The following OTUD7B variants were observed in gnomAD, a reference collection of about 807,000 sequenced individuals.
The protein encoded by OTUD7B is OTU deubiquitinase 7B.
OTUD7B carries 34 observed loss-of-function variants against 82.2 expected under a neutral mutation model. The ratio of observed to expected loss-of-function variants is 0.41; its 90% confidence interval spans 0.31 to 0.55. The LOEUF is 0.55. Among genes scored for constraint, OTUD7B ranks in the 20% least tolerant of loss-of-function variants. The pLI, the probability that OTUD7B is intolerant of heterozygous loss-of-function variation, is 0.20. For missense variants in OTUD7B, 944 were observed against 1,062.1 expected, an observed-to-expected ratio of 0.89 and a Z score of 1.55; for synonymous variants, 398 against 402.7, an observed-to-expected ratio of 0.99 and a Z score of 0.14.
At chr1:150,034,008 C>A in the OTUD7B span, among the ~76,000 whole-genome samples, 1 of 152,156 alleles carries the variant, frequency 6.6e-6, no homozygotes, top group African/African-American at 2.4e-5. Flanking sequence ...GCGTGAGCCA[C>A]CGCACCCAGC....
chr1:150,051,191 T>G, the OTUD7B span, among the ~76,000 whole-genome samples: 4 of 130,492 alleles, frequency 3.1e-5, no homozygotes. Flanking sequence ...ATTGCGCCAT[T>G]GCACTCCAAC....
At chr1:150,066,421 G>A in the OTUD7B span, among the ~76,000 whole-genome samples, 1,157 of 36,550 alleles carry the variant, frequency 0.032, 11 homozygotes, top group Non-Finnish European at 0.042. This position sits in a 1 kb window ranked among gnomAD's most constrained non-coding sequence, Gnocchi z 4.6. Flanking sequence ...TTACTTGGTA[G>A]AAAAGCTGAA....
In OTUD7B at chr1:149,944,081, G is replaced by A. The variant is rs587752377; in HGVS notation, c.2308C>T (p.Arg770Ter). The change falls in exon 12 of 12, where the codon CGA (arginine) becomes TGA (stop). Residue 770 changes from arginine (R) to a stop codon, truncating the protein, a stop_gained. Transcript: ENST00000581312. LOFTEE classifies it high-confidence loss of function. ...HRGALLPPPY[R>*]VADSYSNGYR... ...CCATTGCTATAGGAATCAGCCACTC[G>A]GTAGGGGGGTGGTAACAAGGCACCC... 20 of 1,614,084 alleles carry A rather than the reference G, an allele frequency of 1.2e-5. No homozygotes were observed. The highest frequency in any genetic ancestry group is 6.6e-5 in the South Asian group (6 of 91,080).
At chr1:150,042,318 G>A in the OTUD7B span, among the ~76,000 whole-genome samples, 5 of 151,184 alleles carry the variant, frequency 3.3e-5, no homozygotes, top group South Asian at 1.1e-3. Flanking sequence ...GATTACAGGC[G>A]CCCACCACCA....
chr1:149,963,340 G>A (rs1294549182), intron 6 of OTUD7B: 1 of 152,114 alleles, frequency 6.6e-6, no homozygotes, highest in Non-Finnish European at 1.5e-5. Context: ...AGGAAATAGG[G>A]AGCCTCATTA....
chr1:150,003,445 C>T (rs782358419), intron 1 of OTUD7B, among the ~76,000 whole-genome samples: 1 of 151,992 alleles, frequency 6.6e-6, no homozygotes, highest in Non-Finnish European at 1.5e-5. Context: ...TAGAGTATAT[C>T]CTTAATTCAT....
the OTUD7B span, among the ~76,000 whole-genome samples, chr1:150,035,564 G>A: frequency 1.3e-5 from 2 of 152,158 alleles, no homozygotes; most frequent in African/African-American, 4.8e-5. Flanking sequence ...CCTAATGCAA[G>A]GGTTACCATA....
At position 149,949,059 on chromosome 1, in the gene OTUD7B, T is replaced by G; in HGVS notation, c.1148A>C (p.Glu383Ala). 1.2e-6 allele frequency: 2 copies of G among 1,612,716 alleles called. No individual in the cohort carries two copies. The highest frequency in any genetic ancestry group is 1.7e-6 in the Non-Finnish European group (2 of 1,178,692). Residue 383 changes from glutamate (E) to alanine (A), a missense_variant, in exon 10 of 12, where the codon GAG becomes GCG. Glu to Ala is a moderately radical substitution (Grantham distance 107, BLOSUM62 -1). Around this residue, in one of 3 missense-constraint regions of OTUD7B, gnomAD observed 530 missense variants for 625.6 expected, o/e 0.85. Transcript: ENST00000581312. ...AAAGTGCAAGGGCAGCAGCTTATAC[T>G]CTGAATCTGTAAGTGGGATCACAGC... ...EQAVIPLTDS[E>A]YKLLPLHFAV...
At chr1:149,997,151 G>A (rs981947496) in intron 1 of OTUD7B, among the ~76,000 whole-genome samples, 2 of 152,120 alleles carry the variant, frequency 1.3e-5, no homozygotes, top group Non-Finnish European at 2.9e-5. Flanking sequence ...AGCTGATTCA[G>A]AAAATTGTAT....
At position 149,944,423 on chromosome 1, in the gene OTUD7B, C is replaced by T; in HGVS notation, c.1966G>A (p.Gly656Arg). 6.2e-7 allele frequency: 1 copy of T among 1,614,178 alleles called. No individual in the cohort carries two copies. Among genetic ancestry groups the T allele is most frequent in the East Asian group, 2.2e-5 (1 of 44,882 alleles). ...GCTGGAGGAGGGCCACCCCCTATTC[C>T]TCCATTCATGATCTTCCTCTCTGCC... Reference protein sequence around the residue: ...KEAERKIMNGGIGGGPPPAKK... With the variant: ...KEAERKIMNGRIGGGPPPAKK... The change falls in exon 12 of 12, where the codon GGA becomes AGA. Residue 656 changes from glycine (G) to arginine (R), a missense_variant. This residue lies in a region of OTUD7B where 412 missense variants were observed against 418.7 expected (regional missense o/e 0.98). Transcript: ENST00000581312.
At chr1:149,974,875 T>TA (rs2101850765) in intron 2 of OTUD7B, among the ~76,000 whole-genome samples, 1 of 150,602 alleles carries the variant, frequency 6.6e-6, no homozygotes, top group Non-Finnish European at 1.5e-5. Context: ...CTTTTTTTTT[T>TA]AAGAGATGAG....
chr1:150,002,778 G>A lies in OTUD7B; in HGVS notation c.-67+7670C>T, dbSNP rs117143812. Among the ~76,000 whole-genome samples the A allele has an allele frequency of 2.9e-3, 435 of 152,182 alleles. 24 individuals carry two copies. The East Asian group carries it at 0.08, about 28-fold the overall frequency. On this transcript the variant is annotated intron_variant, in intron 1 of 11. Transcript: ENST00000581312. Reference sequence around the variant, plus strand: ...AAAACTAAGAAAGCATCGCAGCCCCGCCAGTTGTCTGATTCCATGAATCTG... The same window carrying A: ...AAAACTAAGAAAGCATCGCAGCCCCACCAGTTGTCTGATTCCATGAATCTG...
chr1:149,948,635 G>A (rs1216464278), intron 10 of OTUD7B, among the ~76,000 whole-genome samples: 1 of 152,084 alleles, frequency 6.6e-6, no homozygotes, highest in Non-Finnish European at 1.5e-5. Flanking sequence ...CTCCCAAAGT[G>A]CTGGAATTAC....
upstream of OTUD7B, among the ~76,000 whole-genome samples, chr1:150,014,682 G>C (rs1287259284): frequency 6.6e-6 from 1 of 151,962 alleles, no homozygotes; most frequent in Non-Finnish European, 1.5e-5. Flanking sequence ...ATGAATCTTG[G>C]ACTCATTTGT....
At chr1:150,058,253 C>G in the OTUD7B span, among the ~76,000 whole-genome samples, 1 of 152,166 alleles carries the variant, frequency 6.6e-6, no homozygotes, top group African/African-American at 2.4e-5. Context: ...TGCCTTTAAT[C>G]CCAGCACTTT....
chr1:149,949,695 C>T lies in OTUD7B; in HGVS notation c.1057G>A (p.Ala353Thr), dbSNP rs1553772902. 8.7e-6 allele frequency: 14 copies of T among 1,614,134 alleles called. No individual in the cohort carries two copies. The highest frequency in any genetic ancestry group is 1.1e-5 in the Non-Finnish European group (13 of 1,180,032). ...SQCHRSPLVL[A>T]YDQAHFSALV... ...GCAGAAAAGTGGGCCTGATCATAGGCGAGCACCAGAGGGGAGCGGTGACAC... is the reference window on the plus strand; with the variant it reads ...GCAGAAAAGTGGGCCTGATCATAGGTGAGCACCAGAGGGGAGCGGTGACAC... The change falls in exon 9 of 12, where the codon GCC becomes ACC. Residue 353 changes from alanine (A) to threonine (T), a missense_variant. Coordinates refer to ENST00000581312, the MANE Select transcript of OTUD7B (RefSeq NM_020205.4).
intron 1 of OTUD7B, among the ~76,000 whole-genome samples, chr1:149,981,169 CAG>C (rs1221043027): frequency 5.3e-5 from 8 of 151,654 alleles, no homozygotes; most frequent in African/African-American, 1.7e-4. Flanking sequence ...TCAAATAAAA[CAG>C]AGGAGGTTTT....
At chr1:150,013,975 T>C (rs12048282), upstream of OTUD7B, among the ~76,000 whole-genome samples, 41 of 118,086 alleles carry the variant, frequency 3.5e-4, no homozygotes, top group South Asian at 2.9e-3. Flanking sequence ...CACACACACA[T>C]ATATATACAC....
In OTUD7B at chr1:149,943,898, CCCT is replaced by C; in HGVS notation, c.2488_2490del (p.Arg830del). 1 of 1,614,254 alleles carries C rather than the reference CCCT, an allele frequency of 6.2e-7. No homozygotes were observed. The highest frequency in any genetic ancestry group is 8.5e-7 in the Non-Finnish European group (1 of 1,180,052). On this transcript the variant is annotated inframe_deletion, in exon 12 of 12. Transcript: ENST00000581312. ...AGGAGCTCCCCATCCGGTTCCCGCT[CCCT>C]CCTCCTCAGTTCTTCCCTGTAACAA...
Sources: allele counts gnomAD v4.1 joint callset (sites outside exome capture counted in the v4.1 genomes callset), GRCh38; gene constraint gnomAD v4.1.1; regional missense constraint gnomAD v4.1.1; non-coding constraint Gnocchi (gnomAD v3.1); transcripts MANE v1.5; gene names NCBI Gene and HGNC (gene_info 2026-07-23, HGNC 2026-07-21).